CNTNAP5: variants seen among roughly 807,000 people sequenced by gnomAD.
The protein encoded by CNTNAP5 is contactin-associated protein-like 5.
CNTNAP5 carries 72 observed loss-of-function variants against 150.2 expected under a neutral mutation model. The ratio of observed to expected loss-of-function variants is 0.48; its 90% CI spans 0.40 to 0.58. CNTNAP5 has a LOEUF of 0.58. Ranked by LOEUF, CNTNAP5 falls within the 20% of genes least tolerant of loss-of-function variation. The pLI is 0.00. For missense variants in CNTNAP5, 1,636 were observed against 1,626.2 expected, an observed-to-expected ratio of 1.01 and a Z score of -0.10; for synonymous variants, 672 against 619.8, an observed-to-expected ratio of 1.08 and a Z score of -1.25.
chr2:124,238,849 A>G (rs1017498834), intron 2 of CNTNAP5, among the ~76,000 whole-genome samples: 6 of 152,194 alleles, frequency 3.9e-5, no homozygotes, highest in African/African-American at 1.4e-4. Flanking sequence ...GTGAAAGCAC[A>G]TTTATTGTTT....
At chr2:124,834,920 T>C (rs1682798099) in intron 19 of CNTNAP5, among the ~76,000 whole-genome samples, 1 of 151,782 alleles carries the variant, frequency 6.6e-6, no homozygotes, top group African/African-American at 2.4e-5. Context: ...TATCCAGTTC[T>C]CTAGTGACCT....
In CNTNAP5 at chr2:124,872,374, CTGTGTGTGTGTGTGTG is replaced by C. The variant is rs56024878; in HGVS notation, c.3436+2639_3436+2654del. On this transcript the variant is annotated intron_variant, in intron 21 of 23. Coordinates refer to ENST00000682447, the MANE Select transcript of CNTNAP5 (RefSeq NM_001367498.1). The stretch of plus-strand genomic sequence containing the variant: ...TCCTGTGGTAACTTGTTTCCTTATG[CTGTGTGTGTGTGTGTG>C]TGTGTGTGTGTGTGTGTGTGTGTGT... Among the ~76,000 whole-genome samples, 98 of 139,436 alleles carry C rather than the reference CTGTGTGTGTGTGTGTG, an allele frequency of 7.0e-4. 1 individual carries two copies. The highest frequency in any genetic ancestry group is 3.6e-3 in the Middle Eastern group (1 of 274). 91.5% of individuals were successfully genotyped at this position (139,436 alleles called of 152,430 possible).
At chr2:124,201,051 G>A (rs765306572) in intron 1 of CNTNAP5, among the ~76,000 whole-genome samples, 2 of 152,028 alleles carry the variant, frequency 1.3e-5, no homozygotes, top group Non-Finnish European at 2.9e-5. Flanking sequence ...TCTTTTTGCT[G>A]GGCCACCCAT....
At chr2:124,191,856 G>A in intron 1 of CNTNAP5, among the ~76,000 whole-genome samples, 1 of 151,632 alleles carries the variant, frequency 6.6e-6, no homozygotes, top group African/African-American at 2.4e-5. Flanking sequence ...CAGAGATCGT[G>A]CCACTGCACT....
chr2:124,440,796 T>G (rs945153994), intron 5 of CNTNAP5, among the ~76,000 whole-genome samples: 2 of 152,146 alleles, frequency 1.3e-5, no homozygotes, highest in African/African-American at 4.8e-5. Flanking sequence ...AAAAGTTAGT[T>G]TCTGTATAGT....
intron 11 of CNTNAP5, among the ~76,000 whole-genome samples, chr2:124,563,559 T>G (rs1210175181): frequency 6.6e-6 from 1 of 152,214 alleles, no homozygotes; most frequent in Non-Finnish European, 1.5e-5. Context: ...AATGAGATCA[T>G]GACAGTACAG....
chr2:124,193,615 G>T (rs1253170468), intron 1 of CNTNAP5, among the ~76,000 whole-genome samples: 1 of 152,128 alleles, frequency 6.6e-6, no homozygotes, highest in Non-Finnish European at 1.5e-5. Context: ...CAAACACCTT[G>T]TTATGATATA....
At chr2:124,343,221 C>T (rs572691678) in intron 3 of CNTNAP5, among the ~76,000 whole-genome samples, 38 of 152,096 alleles carry the variant, frequency 2.5e-4, no homozygotes, top group African/African-American at 6.0e-4. Context: ...ATGTAATAAC[C>T]GAAGGTTATA....
chr2:124,253,832 C>T (rs1687244403), intron 3 of CNTNAP5, among the ~76,000 whole-genome samples: 1 of 151,852 alleles, frequency 6.6e-6, no homozygotes, highest in Admixed American at 6.6e-5. Context: ...TGTAACTGTA[C>T]TCCATGGATT....
chr2:124,115,807 T>TGTGTGA (rs1683416045), intron 1 of CNTNAP5, among the ~76,000 whole-genome samples: 1 of 150,988 alleles, frequency 6.6e-6, no homozygotes, highest in African/African-American at 2.4e-5. Flanking sequence ...TGTGTGTGTG[T>TGTGTGA]GTGTGTGTGT....
At chr2:124,088,255 C>T (rs1423485223) in intron 1 of CNTNAP5, among the ~76,000 whole-genome samples, 5 of 151,990 alleles carry the variant, frequency 3.3e-5, no homozygotes, top group Non-Finnish European at 5.9e-5. Context: ...TATTACATTT[C>T]TATTTTTTTA....
At chr2:124,276,468 T>G (rs927228506) in intron 3 of CNTNAP5, among the ~76,000 whole-genome samples, 5 of 152,176 alleles carry the variant, frequency 3.3e-5, no homozygotes, top group African/African-American at 1.2e-4. Context: ...GTCCCTTGAT[T>G]TATTTAAATG....
In CNTNAP5 at chr2:124,420,211, G is replaced by A. The variant is rs550039801; in HGVS notation, c.529+2621G>A. On this transcript the variant is annotated intron_variant, in intron 4 of 23. Transcript: ENST00000682447. The stretch of plus-strand genomic sequence containing the variant: ...TCACCATGTTGGCCAGGCTGGTCTC[G>A]AACTCCTGACCTCGTGATACACCCA... Among the ~76,000 whole-genome samples the A allele has an allele frequency of 9.2e-5, 14 of 151,510 alleles. No individual in the cohort carries two copies. In the South Asian group the frequency reaches 1.9e-3, roughly 20 times the overall value.
At chr2:124,282,739 C>T (rs1398135164) in intron 3 of CNTNAP5, among the ~76,000 whole-genome samples, 6 of 151,940 alleles carry the variant, frequency 3.9e-5, no homozygotes, top group African/African-American at 1.2e-4. Context: ...AATGGTTTTC[C>T]CATTTCACAG....
intron 13 of CNTNAP5, among the ~76,000 whole-genome samples, chr2:124,652,276 C>G (rs1050713543): frequency 2.0e-5 from 3 of 152,170 alleles, no homozygotes; most frequent in African/African-American, 4.8e-5. Context: ...GCTTTCTACT[C>G]TGAGCTTTCT....
chr2:124,088,001 T>C lies in CNTNAP5; in HGVS notation c.82+62269T>C, dbSNP rs532856076. Among the ~76,000 whole-genome samples the C allele has an allele frequency of 3.9e-5, 6 of 152,316 alleles. No individual in the cohort carries two copies. In the South Asian group the frequency reaches 1.2e-3, roughly 32 times the overall value. On this transcript the variant is annotated intron_variant, in intron 1 of 23. Transcript: ENST00000682447. ...GCAGGTTTATGTCTTCCATTGAATG[T>C]GGGAAGTTTTCAGCCATTATTCAAG... is the stretch of plus-strand genomic sequence containing the variant.
intron 1 of CNTNAP5, among the ~76,000 whole-genome samples, chr2:124,059,456 G>A (rs922450787): frequency 6.6e-6 from 1 of 152,140 alleles, no homozygotes; most frequent in Non-Finnish European, 1.5e-5. Flanking sequence ...AAGTCAAACT[G>A]AGCCAGCCAG....
intron 8 of CNTNAP5, among the ~76,000 whole-genome samples, chr2:124,510,301 C>CTATATATATATATATATCTATA (rs368230554): frequency 6.6e-5 from 7 of 106,056 alleles, no homozygotes; most frequent in African/African-American, 2.3e-4. Flanking sequence ...ATCTATATAT[C>CTATATATATATATATATCTATA]TATATATATA....
At chr2:124,619,338 G>C (rs1442915402) in intron 12 of CNTNAP5, among the ~76,000 whole-genome samples, 1 of 152,084 alleles carries the variant, frequency 6.6e-6, no homozygotes, top group Non-Finnish European at 1.5e-5. Context: ...CTTGGAACTG[G>C]GTCCCATATA....
Sources: allele counts gnomAD v4.1 joint callset (sites outside exome capture counted in the v4.1 genomes callset), GRCh38; gene constraint gnomAD v4.1.1; transcripts MANE v1.5; gene names NCBI Gene and HGNC (gene_info 2026-07-23, HGNC 2026-07-21).